Variants in CENPK observed in about 807,000 individuals in gnomAD.
The protein encoded by CENPK is SoxLZ/Sox6-binding protein Solt.
Under a neutral mutation model 40.9 loss-of-function variants are expected in CENPK, and 46 were observed. The ratio of observed to expected loss-of-function variants is 1.13; its 90% CI spans 0.89 to 1.44. The LOEUF (loss-of-function observed/expected upper bound fraction) is 1.44. CENPK is among the 40% of genes most tolerant of loss of function. The pLI is 0.00. For missense variants in CENPK, 288 were observed against 303.5 expected (o/e 0.95, Z 0.38); for synonymous variants, 107 against 104.4 (o/e 1.02, Z -0.15).
chr5:65,515,963 CT>C (rs1308134961), downstream of CENPK, among the ~76,000 whole-genome samples: 4 of 152,224 alleles, frequency 2.6e-5, no homozygotes, highest in African/African-American at 7.2e-5. Flanking sequence ...GGAAGGCTCT[CT>C]CATTTGTAGA....
intron 3 of CENPK, 37 bp from the exon 4 acceptor site, chr5:65,552,586 G>T: frequency 7.7e-7 from 1 of 1,291,066 alleles, no homozygotes; most frequent in Non-Finnish European, 1.1e-6. Flanking sequence ...AGTCACACAC[G>T]ATAATTCACA....
At chr5:65,547,553 C>T (rs1302681134) in intron 5 of CENPK, among the ~76,000 whole-genome samples, 1 of 151,860 alleles carries the variant, frequency 6.6e-6, no homozygotes, top group Non-Finnish European at 1.5e-5. Context: ...GTAGTAACAA[C>T]GATGTGGAAA....
At chr5:65,515,188 G>T (rs1742775195), downstream of CENPK, among the ~76,000 whole-genome samples, 1 of 133,622 alleles carries the variant, frequency 7.5e-6, no homozygotes, top group Admixed American at 7.8e-5. Flanking sequence ...CACTGCTTTT[G>T]CTGCATCTCA....
chr5:65,519,912 G>A (rs1580871073), intron 10 of CENPK, among the ~76,000 whole-genome samples: 1 of 151,990 alleles, frequency 6.6e-6, no homozygotes, highest in Non-Finnish European at 1.5e-5. Context: ...TAATCATATT[G>A]TTTTATTTTT....
chr5:65,497,490 G>A, the CENPK span, among the ~76,000 whole-genome samples: 2 of 152,174 alleles, frequency 1.3e-5, no homozygotes, highest in African/African-American at 4.8e-5. Flanking sequence ...AAGCAAAGGA[G>A]AAAGAGCAAC....
chr5:65,509,569 T>C, the CENPK span, among the ~76,000 whole-genome samples: 2 of 152,208 alleles, frequency 1.3e-5, no homozygotes, highest in Non-Finnish European at 1.5e-5. Flanking sequence ...CTTCCAATTT[T>C]TGGCAATTAC....
chr5:65,563,100 T>A lies in CENPK; in HGVS notation c.-144A>T, dbSNP rs1368732818. On this transcript the variant is annotated splice_region_variant and 5_prime_UTR_variant, in exon 1 of 11. An upstream start codon of the reference 5' UTR is lost. Transcript: ENST00000396679. Reference sequence around the variant, plus strand: ...AACCTCCCCGGCCCAGGTCTTACCATCACAGCGTCACAAACTCCAGGTCGC... The same window carrying A: ...AACCTCCCCGGCCCAGGTCTTACCAACACAGCGTCACAAACTCCAGGTCGC... The A allele has an allele frequency of 1.8e-6, 1 of 564,640 alleles. No individual in the cohort carries two copies. The highest frequency in any genetic ancestry group is 3.2e-5 in the East Asian group (1 of 31,126). 35.0% of individuals were successfully genotyped at this position (564,640 alleles called of 1,614,324 possible). A position where few individuals can be genotyped will look rare whatever the true frequency, so the allele number is the denominator to read the frequency against.
chr5:65,530,057 C>T (rs1423871537), intron 6 of CENPK, among the ~76,000 whole-genome samples: 1 of 152,046 alleles, frequency 6.6e-6, no homozygotes, highest in African/African-American at 2.4e-5. Context: ...CCCGCCTCAG[C>T]CTCCCAAAGT....
intron 5 of CENPK, chr5:65,551,337 T>C: frequency 2.6e-6 from 1 of 391,760 alleles, no homozygotes; most frequent in South Asian, 3.4e-5. Flanking sequence ...ATAGCTATAA[T>C]AACGTCTCCA....
At chr5:65,535,671 G>T (rs1051221627) in intron 6 of CENPK, among the ~76,000 whole-genome samples, 2 of 152,174 alleles carry the variant, frequency 1.3e-5, no homozygotes, top group African/African-American at 4.8e-5. Context: ...AAGAACTCTT[G>T]TAAGCTTATC....
intron 5 of CENPK, among the ~76,000 whole-genome samples, chr5:65,545,844 T>A (rs894783241): frequency 5.3e-5 from 8 of 152,116 alleles, no homozygotes; most frequent in African/African-American, 1.9e-4. Flanking sequence ...GTGTCCAGAC[T>A]CCTATCTGCA....
the CENPK span, among the ~76,000 whole-genome samples, chr5:65,499,983 A>G: frequency 3.6e-5 from 3 of 83,786 alleles, no homozygotes; most frequent in Non-Finnish European, 5.2e-5. Context: ...CCATGTCCCT[A>G]CAAAGGACAT....
intron 2 of CENPK, 66 bp from the exon 3 acceptor site, chr5:65,555,012 A>C: frequency 2.7e-6 from 2 of 741,938 alleles, no homozygotes; most frequent in Non-Finnish European, 4.8e-6. Context: ...CCAGATACTC[A>C]TCTAGGGGGT....
chr5:65,528,844 T>G (rs1745211403), intron 8 of CENPK, 75 bp downstream of exon 8: 3 of 1,005,122 alleles, frequency 3.0e-6, no homozygotes, highest in Non-Finnish European at 4.4e-6. Flanking sequence ...AACATTTAAC[T>G]TCATCTATGT....
In CENPK at chr5:65,528,477, G is replaced by A; in HGVS notation, c.572C>T (p.Pro191Leu). ...GEFLEDHFPL[P>L]DRSVKKKKKN... Reference sequence around the variant, plus strand: ...CTTTTTCTTTTTAACACTTCTATCAGGCAGAGGAAAATGGTCTTCTAGAAA... The same window carrying A: ...CTTTTTCTTTTTAACACTTCTATCAAGCAGAGGAAAATGGTCTTCTAGAAA... The change falls in exon 9 of 11, where the codon CCT (proline) becomes CTT (leucine). Residue 191 changes from proline (P) to leucine (L), a missense_variant. Transcript: ENST00000396679. 1 of 1,602,808 alleles carries A rather than the reference G, an allele frequency of 6.2e-7. No individual in the cohort carries two copies. Among genetic ancestry groups the A allele is most frequent in the Non-Finnish European group, 8.5e-7 (1 of 1,176,616 alleles).
chr5:65,524,076 A>T (rs1234671239), intron 9 of CENPK, among the ~76,000 whole-genome samples: 1 of 152,138 alleles, frequency 6.6e-6, no homozygotes, highest in Non-Finnish European at 1.5e-5. Context: ...ATTAAACTTA[A>T]CAACTCTTGG....
chr5:65,516,621 C>G (rs245552), downstream of CENPK, among the ~76,000 whole-genome samples: 103,648 of 151,910 alleles, frequency 0.68, 35,899 homozygotes, highest in East Asian at 0.89. Flanking sequence ...AAATATCAAA[C>G]GAAATTTCAG....
At chr5:65,498,807 A>C in the CENPK span, among the ~76,000 whole-genome samples, 4 of 151,058 alleles carry the variant, frequency 2.6e-5, no homozygotes, top group Non-Finnish European at 5.9e-5. Flanking sequence ...CAGGCACACG[A>C]CACCACGCCT....
At position 65,532,865 on chromosome 5, in the gene CENPK, C is replaced by T. The variant is rs1044978568; in HGVS notation, c.289-3666G>A. On this transcript the variant is annotated intron_variant, in intron 6 of 10. Transcript: ENST00000396679. ...TGGAGATTGCAGTGAGCTGAGATCACGCCATTGCACTCCAGCCTGGACAAC... is the reference window on the plus strand; with the variant it reads ...TGGAGATTGCAGTGAGCTGAGATCATGCCATTGCACTCCAGCCTGGACAAC... Among the ~76,000 whole-genome samples, 172 of 113,524 alleles carry T rather than the reference C, an allele frequency of 1.5e-3. 1 individual carries two copies. Among genetic ancestry groups the T allele is most frequent in the Non-Finnish European group, 1.2e-3 (72 of 59,840 alleles). The allele number at this position is 113,524 out of a possible 152,430, so 74.5% of individuals were successfully genotyped here.
Sources: allele counts gnomAD v4.1 joint callset (sites outside exome capture counted in the v4.1 genomes callset), GRCh38; gene constraint gnomAD v4.1.1; transcripts MANE v1.5; gene names NCBI Gene and HGNC (gene_info 2026-07-23, HGNC 2026-07-21).